Variants in ZFHX4 observed in about 807,000 individuals in gnomAD.
ZFHX4 encodes zinc finger homeobox 4.
In ZFHX4, 56 loss-of-function variants were observed where a neutral mutation model predicts 267.6. The ratio of observed to expected loss-of-function variants is 0.21; its 90% CI spans 0.17 to 0.26. The LOEUF (loss-of-function observed/expected upper bound fraction) is 0.26. Among genes scored for constraint, ZFHX4 ranks in the 10% least tolerant of loss-of-function variants. The pLI is 1.00. For missense variants in ZFHX4, 4,332 were observed against 4,420.0 expected (o/e 0.98, Z 0.56); for synonymous variants, 1,778 against 1,665.6 (o/e 1.07, Z -1.64).
chr8:76,778,344 T>C lies in ZFHX4; in HGVS notation c.3230T>C (p.Leu1077Pro), dbSNP rs749084987. The change falls in exon 4 of 11, where the codon CTA becomes CCA. Residue 1077 changes from leucine to proline, a missense_variant. Leu to Pro is a moderately conservative substitution (Grantham distance 98). Coordinates refer to ENST00000651372, the MANE Select transcript of ZFHX4 (RefSeq NM_024721.5). ...RSVKHQQTEG[L>P]RKLQLHQQGL... ...GTGAAGCATCAGCAGACTGAGGGCC[T>C]ACGGAAGCTCCAGCTCCACCAGCAA... The C allele has an allele frequency of 2.5e-6, 4 of 1,613,846 alleles. No homozygotes were observed. The highest frequency in any genetic ancestry group is 2.2e-5 in the East Asian group (1 of 44,870).
chr8:76,765,189 G>A (rs1397661103), intron 3 of ZFHX4, among the ~76,000 whole-genome samples: 1 of 152,062 alleles, frequency 6.6e-6, no homozygotes, highest in African/African-American at 2.4e-5. Flanking sequence ...TGTGTTAAAG[G>A]TGCTTGAGAA....
chr8:76,837,092 A>G (rs888139483), intron 5 of ZFHX4, among the ~76,000 whole-genome samples: 1 of 152,134 alleles, frequency 6.6e-6, no homozygotes, highest in Non-Finnish European at 1.5e-5. Context: ...TTGGACATCC[A>G]GTACAGTTAC....
rs539136462 is a variant in ZFHX4 at position 76,771,584 on chromosome 8, G to A, written c.3094-6624G>A. Among the ~76,000 whole-genome samples, 9 of 152,060 alleles carry A rather than the reference G, an allele frequency of 5.9e-5. No homozygotes were observed. The South Asian group carries it at 6.2e-4, about 11-fold the overall frequency. ...CTCCCGAGTAGTTGGGACTACAGGC[G>A]CCTGCCACCATGCCTGGCTAATTTA... On this transcript the variant is annotated intron_variant, in intron 3 of 10. Coordinates refer to ENST00000651372, the MANE Select transcript of ZFHX4 (RefSeq NM_024721.5).
At chr8:76,744,611 C>A (rs866000468) in intron 3 of ZFHX4, among the ~76,000 whole-genome samples, 2 of 151,910 alleles carry the variant, frequency 1.3e-5, no homozygotes, top group Non-Finnish European at 2.9e-5. Flanking sequence ...CAGGGTTTCA[C>A]CGTGTTGGCC....
At chr8:76,703,935 C>T in intron 1 of ZFHX4, 108 bp from the exon 2 acceptor site, 1 of 820,836 alleles carries the variant, frequency 1.2e-6, no homozygotes. Flanking sequence ...TTTCCCCTTA[C>T]CTTTTTAGAT....
chr8:76,717,545 A>T (rs1808609308), intron 3 of ZFHX4, among the ~76,000 whole-genome samples: 1 of 152,262 alleles, frequency 6.6e-6, no homozygotes, highest in Admixed American at 6.5e-5. Flanking sequence ...AACAGCATGG[A>T]AACTCGCAAT....
At chr8:76,803,187 T>C (rs777687922) in intron 4 of ZFHX4, among the ~76,000 whole-genome samples, 4 of 152,024 alleles carry the variant, frequency 2.6e-5, no homozygotes, top group Non-Finnish European at 5.9e-5. Flanking sequence ...CTCTGTCTAG[T>C]ACAGAAATAA....
Position 76,852,752 on chromosome 8 carries a change from A to G in ZFHX4, c.5831A>G (p.Asp1944Gly), listed in dbSNP as rs563202863. 5.0e-5 allele frequency: 81 copies of G among 1,613,722 alleles called. No homozygotes were observed. The highest frequency in any genetic ancestry group is 4.9e-4 in the South Asian group (45 of 91,044). ...KGKSGEGENT[D>G]KLECGTCGKL... ...AAAAGTGGTGAAGGCGAAAACACTGACAAACTAGAATGTGGAACATGTGGT... is the reference window on the plus strand; with the variant it reads ...AAAAGTGGTGAAGGCGAAAACACTGGCAAACTAGAATGTGGAACATGTGGT... Residue 1944 changes from aspartate (D) to glycine (G), a missense_variant, in exon 10 of 11, where the codon GAC becomes GGC. By Grantham distance (94) the Asp-to-Gly change is moderately conservative (BLOSUM62 -1). This residue lies in a region of ZFHX4 where 1,371 missense variants were observed against 1,423.1 expected (regional missense o/e 0.96). Transcript: ENST00000651372.
Position 76,855,431 on chromosome 8 carries a change from T to C in ZFHX4, c.8510T>C (p.Leu2837Ser). 1 of 1,613,574 alleles carries C rather than the reference T, an allele frequency of 6.2e-7. No homozygotes were observed. The highest frequency in any genetic ancestry group is 1.3e-5 in the African/African-American group (1 of 74,948). The change falls in exon 10 of 11, where the codon TTG (leucine) becomes TCG (serine). Residue 2837 changes from leucine to serine, a missense_variant. Physicochemically the swap from Leu to Ser is moderately radical, Grantham distance 145 (BLOSUM62 -2). This residue lies in a region of ZFHX4 where 1,648 missense variants were observed against 1,625.0 expected (regional missense o/e 1.01). Coordinates refer to ENST00000651372, the MANE Select transcript of ZFHX4 (RefSeq NM_024721.5). ...AGTTCCGGAGATGTGAAACCGGCTT[T>C]GTCTCCCAAAGAGCCAAAAACTCTG... ...TGSSGDVKPA[L>S]SPKEPKTLDT...
intron 4 of ZFHX4, among the ~76,000 whole-genome samples, chr8:76,798,486 A>G (rs576673283): frequency 6.6e-6 from 1 of 152,196 alleles, no homozygotes; most frequent in South Asian, 2.1e-4. Flanking sequence ...GCTGATGATA[A>G]ATTGTACTGA....
Position 76,705,389 on chromosome 8 carries a change from A to G in ZFHX4, c.1301A>G (p.Lys434Arg). The G allele has an allele frequency of 6.2e-7, 1 of 1,613,928 alleles. No individual in the cohort carries two copies. The highest frequency in any genetic ancestry group is 8.5e-7 in the Non-Finnish European group (1 of 1,179,896). Residue 434 changes from lysine to arginine, a missense_variant, in exon 2 of 11, where the codon AAG becomes AGG. Transcript: ENST00000651372. ...AGCCACTCATCGTCTGAGTCTAGCAAGATGTCAGAGAGCAAAGACCAAGAG... is the reference window on the plus strand; with the variant it reads ...AGCCACTCATCGTCTGAGTCTAGCAGGATGTCAGAGAGCAAAGACCAAGAG... ...SLSHSSSESSKMSESKDQENN... is the reference protein window; with the variant it reads ...SLSHSSSESSRMSESKDQENN...
chr8:76,742,870 T>C (rs1227987919), intron 3 of ZFHX4, among the ~76,000 whole-genome samples: 1 of 152,070 alleles, frequency 6.6e-6, no homozygotes, highest in Non-Finnish European at 1.5e-5. Context: ...CCTCCCGAGG[T>C]GTATTATCGC....
rs933691975 is a variant in ZFHX4 at position 76,867,172 on chromosome 8, A to G, written c.*2607A>G. ...TTTATTTTGTCACAGACCTGTTGTCATAGTTGAAATGATGTTTATTGTAGA... is the reference window on the plus strand; with the variant it reads ...TTTATTTTGTCACAGACCTGTTGTCGTAGTTGAAATGATGTTTATTGTAGA... On this transcript the variant is annotated 3_prime_UTR_variant, in exon 11 of 11. Transcript: ENST00000651372. 3 of 152,602 alleles carry G rather than the reference A, an allele frequency of 2.0e-5. No homozygotes were observed. The highest frequency in any genetic ancestry group is 2.1e-4 in the South Asian group (1 of 4,834). 9.5% of individuals were successfully genotyped at this position (152,602 alleles called of 1,614,324 possible).
intron 1 of ZFHX4, among the ~76,000 whole-genome samples, chr8:76,701,867 C>A (rs1808115064): frequency 6.6e-6 from 1 of 151,980 alleles, no homozygotes; most frequent in Non-Finnish European, 1.5e-5. Context: ...GGAAAATCAC[C>A]CTCGGTTCTG....
At chr8:76,837,632 C>T (rs1160158243) in intron 5 of ZFHX4, among the ~76,000 whole-genome samples, 1 of 152,172 alleles carries the variant, frequency 6.6e-6, no homozygotes, top group Non-Finnish European at 1.5e-5. Context: ...AAACCCAATT[C>T]ACTGTTCCAA....
At chr8:76,771,563 C>T (rs78108094) in intron 3 of ZFHX4, among the ~76,000 whole-genome samples, 8,344 of 152,102 alleles carry the variant, frequency 0.055, 220 homozygotes, top group Middle Eastern at 0.11. Context: ...CTCAGACTCC[C>T]GAGTAGTTGG....
Position 76,688,365 on chromosome 8 carries a change from A to C in ZFHX4, c.-47+6745A>C, listed in dbSNP as rs1807744308. On this transcript the variant is annotated intron_variant, in intron 1 of 10. Coordinates refer to ENST00000651372, the MANE Select transcript of ZFHX4 (RefSeq NM_024721.5). ...GACTTTTGGCAATGTTAAGTGTTTT[A>C]AGTGGTCTATCAGCTTTTGTGGCTG... Among the ~76,000 whole-genome samples, 5 of 152,132 alleles carry C rather than the reference A, an allele frequency of 3.3e-5. No individual in the cohort carries two copies. In the South Asian group the frequency reaches 1.0e-3, roughly 31 times the overall value.
chr8:76,864,318 C>T lies in ZFHX4; in HGVS notation c.10604C>T (p.Ala3535Val), dbSNP rs746903082. 2.5e-6 allele frequency: 4 copies of T among 1,613,862 alleles called. No homozygotes were observed. In the East Asian group the frequency reaches 8.9e-5, roughly 36 times the overall value. The change falls in exon 11 of 11, where the codon GCC becomes GTC. Residue 3535 changes from alanine (A) to valine (V), a missense_variant. Ala to Val is a moderately conservative substitution (Grantham distance 64). Coordinates refer to ENST00000651372, the MANE Select transcript of ZFHX4 (RefSeq NM_024721.5). ...CCTAATATCCTTTTCCAAGCGTCTGCCAGGAGAGCTGCTTCTCCCCCTTCT... is the reference window on the plus strand; with the variant it reads ...CCTAATATCCTTTTCCAAGCGTCTGTCAGGAGAGCTGCTTCTCCCCCTTCT... ...SWPNILFQASARRAASPPSSP... is the reference protein window; with the variant it reads ...SWPNILFQASVRRAASPPSSP...
intron 1 of ZFHX4, among the ~76,000 whole-genome samples, chr8:76,698,959 TG>T (rs1808030146): frequency 6.6e-6 from 1 of 152,042 alleles, no homozygotes; most frequent in South Asian, 2.1e-4. Context: ...GGTAGGAGGG[TG>T]TAACAGAAGA....
Sources: allele counts gnomAD v4.1 joint callset (sites outside exome capture counted in the v4.1 genomes callset), GRCh38; gene constraint gnomAD v4.1.1; regional missense constraint gnomAD v4.1.1; transcripts MANE v1.5; gene names NCBI Gene and HGNC (gene_info 2026-07-23, HGNC 2026-07-21).